The following SYNPR variants were observed in gnomAD, a reference collection of about 807,000 sequenced individuals.
SYNPR encodes the protein synaptoporin.
A neutral mutation model predicts 32.9 loss-of-function variants in SYNPR; 23 were observed. That is an observed-to-expected ratio of 0.70 (90% CI 0.50 to 0.99). The LOEUF is 0.99. SYNPR is among the 50% of genes least tolerant of loss of function. SYNPR has a pLI of 0.00. For missense variants in SYNPR, 318 were observed against 349.3 expected (o/e 0.91, Z 0.71); for synonymous variants, 146 against 135.9 (o/e 1.07, Z -0.52).
intron 2 of SYNPR, among the ~76,000 whole-genome samples, chr3:63,381,748 T>C (rs2087973261): frequency 6.6e-6 from 1 of 152,200 alleles, no homozygotes; most frequent in African/African-American, 2.4e-5. Flanking sequence ...GTGTTTTCTG[T>C]TCATTCTCTC....
At chr3:63,408,198 A>AAAGAAAGAAAG (rs1560220859) in intron 2 of SYNPR, among the ~76,000 whole-genome samples, 7 of 37,790 alleles carry the variant, frequency 1.9e-4, no homozygotes, top group Non-Finnish European at 2.7e-4. Flanking sequence ...AAGAAAGAGG[A>AAAGAAAGAAAG]AGGAAGGAAG....
At chr3:63,464,521 A>G (rs1700643148) in intron 2 of SYNPR, among the ~76,000 whole-genome samples, 1 of 151,982 alleles carries the variant, frequency 6.6e-6, no homozygotes, top group African/African-American at 2.4e-5. Flanking sequence ...TAAGAATAAG[A>G]TCCTTTTGCA....
At chr3:63,222,794 A>C in the SYNPR span, among the ~76,000 whole-genome samples, 1 of 152,242 alleles carries the variant, frequency 6.6e-6, no homozygotes, top group African/African-American at 2.4e-5. Flanking sequence ...TGGGATTACA[A>C]GCATGAGCCA....
At chr3:63,453,643 C>T (rs1286196573) in intron 2 of SYNPR, among the ~76,000 whole-genome samples, 1 of 152,078 alleles carries the variant, frequency 6.6e-6, no homozygotes, top group Non-Finnish European at 1.5e-5. Flanking sequence ...TTGGGAGGAA[C>T]TGACACTGGA....
At chr3:63,384,226 G>A (rs550005116) in intron 2 of SYNPR, among the ~76,000 whole-genome samples, 1 of 152,312 alleles carries the variant, frequency 6.6e-6, no homozygotes, top group African/African-American at 2.4e-5. Context: ...ACATTTTATT[G>A]CAACACTATG....
chr3:63,578,084 C>T (rs773471012), intron 4 of SYNPR, among the ~76,000 whole-genome samples: 3 of 152,064 alleles, frequency 2.0e-5, no homozygotes, highest in Non-Finnish European at 2.9e-5. Context: ...CTCCTAGAAG[C>T]GAAGTGTTTT....
At chr3:63,507,776 A>G (rs909254072) in intron 3 of SYNPR, among the ~76,000 whole-genome samples, 2 of 152,102 alleles carry the variant, frequency 1.3e-5, no homozygotes, top group African/African-American at 4.8e-5. Context: ...GTTTAACATT[A>G]GTTCAAAATA....
At chr3:63,259,158 T>C (rs1399975216) in intron 2 of SYNPR, among the ~76,000 whole-genome samples, 1 of 152,136 alleles carries the variant, frequency 6.6e-6, no homozygotes, top group Non-Finnish European at 1.5e-5. Flanking sequence ...GAAGAGCTGA[T>C]ACCATTCCTT....
In SYNPR at chr3:63,262,952, G is replaced by A. The variant is rs78061208; in HGVS notation, n.155-4365G>A. ...TGTTTATTTGCATACTAATAAAATT[G>A]GATAAGAGAAGAGACTGAAAAGTCA... is the stretch of plus-strand genomic sequence containing the variant. On this transcript the variant is annotated intron_variant and non_coding_transcript_variant, in intron 2 of 4. Transcript: ENST00000478456. Among the ~76,000 whole-genome samples the A allele has an allele frequency of 2.0e-3, 308 of 152,238 alleles. 8 individuals are homozygous for A. In the East Asian group the frequency reaches 0.052, roughly 26 times the overall value.
chr3:63,205,015 A>T, the SYNPR span, among the ~76,000 whole-genome samples: 36 of 152,060 alleles, frequency 2.4e-4, no homozygotes, highest in Admixed American at 2.4e-3. Flanking sequence ...GTTGACTCTG[A>T]CTGTTCCCTC....
chr3:63,264,926 T>TGG (rs34138232), intron 2 of SYNPR, among the ~76,000 whole-genome samples: 111,345 of 151,192 alleles, frequency 0.74, 42,288 homozygotes, highest in Middle Eastern at 0.84. Flanking sequence ...CTCAGAATCA[T>TGG]GGGGGAGCCA....
chr3:63,386,438 C>T (rs1560212901), intron 2 of SYNPR, among the ~76,000 whole-genome samples: 1 of 152,194 alleles, frequency 6.6e-6, no homozygotes, highest in Non-Finnish European at 1.5e-5. Flanking sequence ...GTCTGCCTTC[C>T]TCATCAACAA....
chr3:63,330,219 G>T (rs1423977634), intron 2 of SYNPR: 1 of 152,116 alleles, frequency 6.6e-6, no homozygotes, highest in Admixed American at 6.5e-5. Flanking sequence ...GACTGGGTCA[G>T]TTTCCTCTAG....
chr3:63,448,167 C>T (rs1425037986), intron 2 of SYNPR, among the ~76,000 whole-genome samples: 1 of 152,160 alleles, frequency 6.6e-6, no homozygotes, highest in East Asian at 1.9e-4. Flanking sequence ...CCATGCTCAG[C>T]TAATTTGTGT....
At chr3:63,303,461 T>C (rs1012243507) in intron 2 of SYNPR, among the ~76,000 whole-genome samples, 6 of 151,986 alleles carry the variant, frequency 3.9e-5, no homozygotes, top group Non-Finnish European at 8.8e-5. Context: ...TCCCTGGTTT[T>C]GAAAATCAAA....
intron 3 of SYNPR, among the ~76,000 whole-genome samples, chr3:63,272,064 A>G (rs1417755637): frequency 3.3e-5 from 5 of 152,206 alleles, no homozygotes; most frequent in Admixed American, 6.5e-5. Context: ...TGTTGTCAGT[A>G]GTGATGTTTG....
chr3:63,437,580 T>TGA (rs139867146), intron 2 of SYNPR, among the ~76,000 whole-genome samples: 1 of 110,640 alleles, frequency 9.0e-6, no homozygotes, highest in Non-Finnish European at 1.8e-5. Flanking sequence ...GAAAGAAGAG[T>TGA]GAGAGAGAGA....
intron 2 of SYNPR, among the ~76,000 whole-genome samples, chr3:63,380,207 A>T (rs2087948186): frequency 6.6e-6 from 1 of 152,186 alleles, no homozygotes; most frequent in Non-Finnish European, 1.5e-5. Context: ...ATACTCAGTA[A>T]TGGGATGGCT....
chr3:63,296,558 CT>C (rs1378279463), intron 2 of SYNPR, among the ~76,000 whole-genome samples: 1 of 152,152 alleles, frequency 6.6e-6, no homozygotes, highest in Non-Finnish European at 1.5e-5. Context: ...CAAAGGTCTC[CT>C]TTGCCTGACT....
Sources: gnomAD v4.1 joint callset for allele counts (sites outside exome capture counted in the v4.1 genomes callset) on GRCh38, gnomAD v4.1.1 for gene constraint, MANE v1.5 for transcripts, NCBI Gene and HGNC (gene_info 2026-07-23, HGNC 2026-07-21) for gene names.